Variants in DYM observed in about 807,000 individuals in gnomAD.
DYM encodes dymeclin, also known as dyggve-Melchior-Clausen syndrome protein.
A neutral mutation model predicts 93.1 loss-of-function variants in DYM; 78 were observed. The observed-to-expected ratio is 0.84, with a 90% CI of 0.70 to 1.01. The LOEUF (loss-of-function observed/expected upper bound fraction) is 1.01, where lower values mean the gene tolerates loss of function less well. DYM is among the 50% of genes least tolerant of loss of function. The probability of loss-of-function intolerance (pLI) is 0.00; values close to 1 mark genes in which losing one functional copy is unlikely to be tolerated. For synonymous variants in DYM, 321 were observed against 319.7 expected (o/e 1.00, Z -0.04); for missense variants, 789 against 845.0 (o/e 0.93, Z 0.82).
intron 13 of DYM, among the ~76,000 whole-genome samples, chr18:49,228,561 A>T (rs1306093579): frequency 2.0e-5 from 3 of 152,160 alleles, no homozygotes; most frequent in African/African-American, 7.2e-5. Flanking sequence ...CTAGAATAAC[A>T]TGATTAATCT....
chr18:49,381,349 T>C (rs1472995282), intron 3 of DYM, among the ~76,000 whole-genome samples: 3 of 152,196 alleles, frequency 2.0e-5, no homozygotes, highest in East Asian at 1.9e-4. Flanking sequence ...CATACCTGCA[T>C]TGTGCTTACT....
chr18:49,288,503 G>C (rs1176581410), intron 8 of DYM, among the ~76,000 whole-genome samples: 1 of 152,174 alleles, frequency 6.6e-6, no homozygotes, highest in Non-Finnish European at 1.5e-5. Context: ...TCTAGGCTGG[G>C]TATAGGGGCT....
intron 16 of DYM, among the ~76,000 whole-genome samples, chr18:49,117,300 G>A (rs2081996170): frequency 6.6e-6 from 1 of 152,138 alleles, no homozygotes; most frequent in South Asian, 2.1e-4. Context: ...AAATTAAGCT[G>A]ACAGAAGAGT....
chr18:49,147,062 C>G (rs1230855927), intron 15 of DYM, among the ~76,000 whole-genome samples: 1 of 152,082 alleles, frequency 6.6e-6, no homozygotes, highest in African/African-American at 2.4e-5. Context: ...ACTATCTGAT[C>G]TTTGACAAAC....
At chr18:49,195,986 C>T (rs906649729) in intron 14 of DYM, among the ~76,000 whole-genome samples, 5 of 125,454 alleles carry the variant, frequency 4.0e-5, no homozygotes, top group African/African-American at 6.1e-5. Flanking sequence ...TGCAGTGGTG[C>T]GATCTCGGCT....
At chr18:49,441,994 C>T (rs2081672869) in intron 1 of DYM, among the ~76,000 whole-genome samples, 1 of 152,136 alleles carries the variant, frequency 6.6e-6, no homozygotes, top group African/African-American at 2.4e-5. Context: ...CAGTGAGTTT[C>T]CCTGCCTCCA....
chr18:49,217,430 G>A (rs1264169196), intron 13 of DYM, among the ~76,000 whole-genome samples: 18 of 152,132 alleles, frequency 1.2e-4, no homozygotes, highest in Non-Finnish European at 4.4e-5. Flanking sequence ...CTCGAGAAGA[G>A]CAACTCCAAG....
intron 8 of DYM, 82 bp from the exon 9 acceptor site, chr18:49,286,698 T>C: frequency 2.2e-6 from 3 of 1,349,164 alleles, no homozygotes; most frequent in Non-Finnish European, 3.1e-6. Flanking sequence ...TGTAATATAA[T>C]ACAATATGGT....
chr18:49,098,156 T>G (rs938368960), intron 16 of DYM, among the ~76,000 whole-genome samples: 2 of 152,164 alleles, frequency 1.3e-5, no homozygotes, highest in Non-Finnish European at 2.9e-5. Context: ...AAAACATCAT[T>G]TTTCAGCAAA....
At chr18:49,053,215 G>C (rs1018294030) in intron 17 of DYM, among the ~76,000 whole-genome samples, 1 of 152,188 alleles carries the variant, frequency 6.6e-6, no homozygotes, top group South Asian at 2.1e-4. Context: ...GTTGAGACTT[G>C]GGTGCAACAA....
intron 17 of DYM, among the ~76,000 whole-genome samples, chr18:49,050,644 A>G (rs1339981270): frequency 2.0e-5 from 3 of 151,992 alleles, no homozygotes; most frequent in Non-Finnish European, 4.4e-5. Flanking sequence ...CAGACAGCCC[A>G]GTAGGAAGCT....
At position 49,237,417 on chromosome 18, in the gene DYM, A is replaced by T. The variant is rs572606031; in HGVS notation, c.1460+19593T>A. On this transcript the variant is annotated intron_variant, in intron 13 of 17. Coordinates refer to ENST00000675505, the MANE Select transcript of DYM (RefSeq NM_001353214.3). ...AAAATGCCTATAAAACTTTTTTTTT[A>T]AATTGCATATACGCAAGTAGAAAAT... 7.8e-4 allele frequency among the ~76,000 whole-genome samples: 119 copies of T among 152,246 alleles called. 2 individuals carry two copies. The highest frequency in any genetic ancestry group is 2.7e-3 in the African/African-American group (114 of 41,552).
At chr18:49,207,219 A>C (rs1453188866) in intron 14 of DYM, among the ~76,000 whole-genome samples, 1 of 152,328 alleles carries the variant, frequency 6.6e-6, no homozygotes, top group Non-Finnish European at 1.5e-5. Flanking sequence ...ATCTGCTGCC[A>C]GCTGTATTAA....
Position 49,444,332 on chromosome 18 carries a change from C to T in DYM, c.-53-13885G>A, listed in dbSNP as rs145288163. 1.2e-4 allele frequency among the ~76,000 whole-genome samples: 18 copies of T among 152,296 alleles called. No homozygotes were observed. The East Asian group carries it at 3.5e-3, about 29-fold the overall frequency. On this transcript the variant is annotated intron_variant, in intron 1 of 17. Coordinates refer to ENST00000675505, the MANE Select transcript of DYM (RefSeq NM_001353214.3). ...CAGAGTTTTACTGAAATGTTTCAAG[C>T]TCCAGGCTGAGACAAATTTTTCTGA...
At chr18:49,128,129 G>A (rs1599947946) in intron 15 of DYM, among the ~76,000 whole-genome samples, 2 of 152,214 alleles carry the variant, frequency 1.3e-5, no homozygotes, top group African/African-American at 4.8e-5. Flanking sequence ...CACATCCGGA[G>A]AAGAGCCAGA....
chr18:49,350,233 A>G (rs1664689591), intron 6 of DYM, among the ~76,000 whole-genome samples: 1 of 152,200 alleles, frequency 6.6e-6, no homozygotes, highest in Non-Finnish European at 1.5e-5. Context: ...TTATAATAGT[A>G]AAAGACTGGA....
intron 2 of DYM, among the ~76,000 whole-genome samples, chr18:49,405,721 T>A (rs185730215): frequency 2.0e-3 from 312 of 152,318 alleles, no homozygotes; most frequent in Admixed American, 3.5e-3. Flanking sequence ...AGCTCTTTTT[T>A]TGGTTCCATA....
chr18:49,450,226 G>T (rs1383671070), intron 1 of DYM, among the ~76,000 whole-genome samples: 4 of 152,144 alleles, frequency 2.6e-5, no homozygotes, highest in African/African-American at 9.7e-5. Flanking sequence ...ACACGGCAAG[G>T]CTGTCTTAAG....
intron 16 of DYM, chr18:49,116,164 A>T (rs543471418): frequency 6.6e-6 from 1 of 152,322 alleles, no homozygotes; most frequent in East Asian, 1.9e-4. Flanking sequence ...AAGTATTTGT[A>T]GTTCATTCGT....
Sources: gnomAD v4.1 joint callset for allele counts (sites outside exome capture counted in the v4.1 genomes callset) on GRCh38, gnomAD v4.1.1 for gene constraint, MANE v1.5 for transcripts, NCBI Gene and HGNC (gene_info 2026-07-23, HGNC 2026-07-21) for gene names.